The following NTNG1 variants were observed in gnomAD, a reference collection of about 807,000 sequenced individuals.
NTNG1 encodes the protein netrin-G1.
Under a neutral mutation model 54.0 loss-of-function variants are expected in NTNG1, and 16 were observed. That is an observed-to-expected ratio of 0.30 (90% confidence interval 0.20 to 0.45). The LOEUF is 0.45. NTNG1 is among the 20% of genes least tolerant of loss of function. The pLI, the probability that NTNG1 is intolerant of heterozygous loss-of-function variation, is 1.00. For missense variants in NTNG1, 530 were observed against 678.7 expected (o/e 0.78, Z 2.43); for synonymous variants, 255 against 263.1 (o/e 0.97, Z 0.30).
At chr1:107,246,741 A>T (rs1467586331) in intron 2 of NTNG1, among the ~76,000 whole-genome samples, 1 of 152,236 alleles carries the variant, frequency 6.6e-6, no homozygotes, top group African/African-American at 2.4e-5. Context: ...TAAATATAAT[A>T]GGAAAACTGA....
At chr1:107,431,331 T>G (rs1675252618) in intron 6 of NTNG1, among the ~76,000 whole-genome samples, 2 of 152,142 alleles carry the variant, frequency 1.3e-5, no homozygotes, top group Admixed American at 1.3e-4. Flanking sequence ...AGGGTACAGA[T>G]TCTTGCATAT....
chr1:107,414,786 G>A (rs893160947), intron 5 of NTNG1, among the ~76,000 whole-genome samples: 3 of 152,126 alleles, frequency 2.0e-5, no homozygotes, highest in South Asian at 2.1e-4. Context: ...ACAACAATGA[G>A]TAGCAGACAG....
intron 2 of NTNG1, among the ~76,000 whole-genome samples, chr1:107,226,780 C>G (rs879845882): frequency 2.0e-5 from 3 of 152,134 alleles, no homozygotes; most frequent in Non-Finnish European, 4.4e-5. Flanking sequence ...CAAAGACTAT[C>G]AGCTGGTTTC....
intron 5 of NTNG1, among the ~76,000 whole-genome samples, chr1:107,420,020 A>G (rs901513541): frequency 3.3e-5 from 5 of 152,042 alleles, no homozygotes; most frequent in Non-Finnish European, 7.4e-5. Flanking sequence ...TGGCAAGTTC[A>G]ATGACAGCAT....
At chr1:107,376,335 G>A (rs578222631) in intron 3 of NTNG1, among the ~76,000 whole-genome samples, 14 of 152,122 alleles carry the variant, frequency 9.2e-5, no homozygotes, top group African/African-American at 3.1e-4. Context: ...GTGAACCCGG[G>A]AGGCGGAGCT....
chr1:107,246,882 C>A, intron 2 of NTNG1, among the ~76,000 whole-genome samples: 1 of 152,040 alleles, frequency 6.6e-6, no homozygotes, highest in South Asian at 2.1e-4. Flanking sequence ...TTGTAATAGC[C>A]ATCGTACGCT....
Position 107,429,042 on chromosome 1 carries a change from C to G in NTNG1, c.1088-1708C>G, listed in dbSNP as rs138811585. 1.7e-3 allele frequency among the ~76,000 whole-genome samples: 265 copies of G among 152,212 alleles called. 1 individual carries two copies. Among genetic ancestry groups the G allele is most frequent in the Non-Finnish European group, 2.1e-3 (141 of 68,006 alleles). The stretch of plus-strand genomic sequence containing the variant: ...TCCATACTCGCCTCCCCTCTGACTT[C>G]TTCCTGTCCTCACACTCACCCTTCT... On this transcript the variant is annotated intron_variant, in intron 5 of 7. Coordinates refer to ENST00000370068, the MANE Select transcript of NTNG1 (RefSeq NM_001113226.3).
intron 2 of NTNG1, among the ~76,000 whole-genome samples, chr1:107,253,372 A>G (rs1455149176): frequency 6.6e-6 from 1 of 152,244 alleles, no homozygotes; most frequent in Non-Finnish European, 1.5e-5. Flanking sequence ...AACATTTGAA[A>G]TTATTGAATT....
At chr1:107,141,662 A>G (rs546356950) in intron 1 of NTNG1, among the ~76,000 whole-genome samples, 1 of 152,212 alleles carries the variant, frequency 6.6e-6, no homozygotes, top group East Asian at 1.9e-4. Flanking sequence ...ACACAGCGGC[A>G]CACGCTCACA....
rs185020124 is a variant in NTNG1, at chr1:107,208,921, T to G, written c.246+60082T>G. ...AGCCCTGACCACATGCCACAGTATT[T>G]ATTTGTGAGATTACTTGTCTCGTTG... On this transcript the variant is annotated intron_variant, in intron 2 of 7. Transcript: ENST00000370068. 5.9e-5 allele frequency among the ~76,000 whole-genome samples: 9 copies of G among 152,244 alleles called. 1 individual carries two copies. The highest frequency in any genetic ancestry group is 5.2e-4 in the Admixed American group (8 of 15,298).
chr1:107,460,422 T>G (rs1239483683), intron 7 of NTNG1: 2 of 518,662 alleles, frequency 3.9e-6, no homozygotes, highest in African/African-American at 1.9e-5. Context: ...GATTTTACAC[T>G]TTGGGAAAAC....
chr1:107,396,315 TATC>T (rs1672682445), intron 4 of NTNG1, among the ~76,000 whole-genome samples: 1 of 152,018 alleles, frequency 6.6e-6, no homozygotes, highest in Non-Finnish European at 1.5e-5. Context: ...TAAGAACTAG[TATC>T]ATAGGAACCA....
chr1:107,275,201 AC>A (rs1484323403), intron 2 of NTNG1, among the ~76,000 whole-genome samples: 1 of 151,912 alleles, frequency 6.6e-6, no homozygotes, highest in African/African-American at 2.4e-5. Flanking sequence ...ATATGGTGAA[AC>A]CCTGTCTCTA....
chr1:107,142,516 C>G (rs1653804942), intron 1 of NTNG1, among the ~76,000 whole-genome samples: 1 of 151,900 alleles, frequency 6.6e-6, no homozygotes, highest in African/African-American at 2.4e-5. Flanking sequence ...AATAATGGAG[C>G]CACTCCTCAT....
At chr1:107,382,574 G>C (rs574808305) in intron 3 of NTNG1, among the ~76,000 whole-genome samples, 14 of 152,020 alleles carry the variant, frequency 9.2e-5, no homozygotes, top group African/African-American at 2.7e-4. Context: ...TTTTTTTCTT[G>C]GCCATGTCCT....
intron 2 of NTNG1, among the ~76,000 whole-genome samples, chr1:107,193,546 G>A (rs1363120272): frequency 6.6e-6 from 1 of 151,878 alleles, no homozygotes; most frequent in Admixed American, 6.6e-5. Flanking sequence ...CTATGTATTG[G>A]CCACTTTCAT....
intron 2 of NTNG1, among the ~76,000 whole-genome samples, chr1:107,272,206 TTACTAATAA>T (rs1243529021): frequency 6.6e-6 from 1 of 152,082 alleles, no homozygotes; most frequent in Non-Finnish European, 1.5e-5. Context: ...AATAATAATA[TTACTAATAA>T]TACTACTAAT....
At chr1:107,388,984 G>T (rs1406793902) in intron 3 of NTNG1, among the ~76,000 whole-genome samples, 1 of 152,226 alleles carries the variant, frequency 6.6e-6, no homozygotes, top group African/African-American at 2.4e-5. Flanking sequence ...CAAGGGAAGA[G>T]GCGCAAGCAG....
intron 2 of NTNG1, among the ~76,000 whole-genome samples, chr1:107,170,591 G>A (rs1252815714): frequency 6.6e-6 from 1 of 151,962 alleles, no homozygotes; most frequent in Non-Finnish European, 1.5e-5. Flanking sequence ...AGATATAAAT[G>A]GAACATAATT....
Sources: allele counts gnomAD v4.1 joint callset (sites outside exome capture counted in the v4.1 genomes callset), GRCh38; gene constraint gnomAD v4.1.1; transcripts MANE v1.5; gene names NCBI Gene and HGNC (gene_info 2026-07-23, HGNC 2026-07-21).